Variants in CYP2A13 observed in about 807,000 individuals in gnomAD.
CYP2A13 encodes the protein cytochrome P450 family 2 subfamily A member 13, also known as cytochrome P450 2A13.
CYP2A13 carries 30 observed loss-of-function variants against 39.4 expected under a neutral mutation model. The ratio of observed to expected loss-of-function variants is 0.76; its 90% CI spans 0.57 to 1.03. CYP2A13 has a LOEUF of 1.03. Ranked by LOEUF, CYP2A13 falls within the 50% of genes least tolerant of loss-of-function variation. The probability of loss-of-function intolerance (pLI) is 0.00; values close to 1 mark genes in which losing one functional copy is unlikely to be tolerated. For missense variants in CYP2A13, 731 were observed against 648.4 expected, an observed-to-expected ratio of 1.13 and a Z score of -1.38; for synonymous variants, 269 against 254.7, an observed-to-expected ratio of 1.06 and a Z score of -0.54.
intron 8 of CYP2A13, 80 bp from the exon 9 acceptor site, chr19:41,095,680 A>G: frequency 6.4e-7 from 1 of 1,554,450 alleles, no homozygotes; most frequent in Non-Finnish European, 8.8e-7. Context: ...CTCCCTAGAG[A>G]GTGCAGCCGG....
chr19:41,089,525 A>G (rs2031120762), intron 2 of CYP2A13, among the ~76,000 whole-genome samples: 1 of 151,594 alleles, frequency 6.6e-6, no homozygotes, highest in Non-Finnish European at 1.5e-5. Context: ...CCACATCTCC[A>G]GCCTCCAACT....
rs138089886 is a variant in CYP2A13, at chr19:41,091,850, C to T, written c.773C>T (p.Thr258Met). ...AAGAAGGTGGAGCACAACCAGCGCA[C>T]GCTGGATCCCAATTCCCCACGGGAC... ...IAKKVEHNQRTLDPNSPRDFI... is the reference protein window; with the variant it reads ...IAKKVEHNQRMLDPNSPRDFI... The change falls in exon 5 of 9, where the codon ACG becomes ATG. Residue 258 changes from threonine (T) to methionine (M), a missense_variant. Transcript: ENST00000330436. The T allele has an allele frequency of 9.9e-6, 16 of 1,614,200 alleles. No individual in the cohort carries two copies. The highest frequency in any genetic ancestry group is 2.2e-5 in the East Asian group (1 of 44,882).
In CYP2A13 at chr19:41,095,965, C is replaced by T. The variant is rs1161950972; in HGVS notation, c.*24C>T. On this transcript the variant is annotated 3_prime_UTR_variant, in exon 9 of 9. Coordinates refer to ENST00000330436, the MANE Select transcript of CYP2A13 (RefSeq NM_000766.5). ...GAGCGAGGGCTGTGCTGGTGCAGGG[C>T]TGGTGGGCGGGGCCAGGGAAACGGC... 8.1e-7 allele frequency: 1 copy of T among 1,236,552 alleles called. No individual in the cohort carries two copies. Among genetic ancestry groups the T allele is most frequent in the African/African-American group, 1.8e-5 (1 of 56,414 alleles). The allele number at this position is 1,236,552 out of a possible 1,614,324, so 76.6% of individuals were successfully genotyped here. A position where few individuals can be genotyped will look rare whatever the true frequency, so the allele number is the denominator to read the frequency against.
chr19:41,093,555 C>A (rs747575505), intron 5 of CYP2A13, 75 bp from the exon 6 acceptor site: 7 of 1,574,736 alleles, frequency 4.4e-6, no homozygotes, highest in East Asian at 2.2e-5. Context: ...AGAGAGGTAG[C>A]TCCAAAGGAA....
At chr19:41,089,776 C>G (rs116877675) in intron 2 of CYP2A13, among the ~76,000 whole-genome samples, 2 of 145,622 alleles carry the variant, frequency 1.4e-5, no homozygotes, top group Non-Finnish European at 3.0e-5. Context: ...TTCTGCTTCT[C>G]TTCTGATTCT....
Position 41,090,028 on chromosome 19 carries a change from C to G in CYP2A13, c.344-19C>G, listed in dbSNP as rs748082919. On this transcript the variant is annotated intron_variant, in intron 2 of 8. Coordinates refer to ENST00000330436, the MANE Select transcript of CYP2A13 (RefSeq NM_000766.5). ...CGCCGCCCCCTGACCTCTCTCCACCCCCGCGTTCACCTCCCCAGGCGTGGC... is the reference window on the plus strand; with the variant it reads ...CGCCGCCCCCTGACCTCTCTCCACCGCCGCGTTCACCTCCCCAGGCGTGGC... The G allele has an allele frequency of 6.2e-7, 1 of 1,610,100 alleles. No individual in the cohort carries two copies. The highest frequency in any genetic ancestry group is 1.7e-5 in the Admixed American group (1 of 59,752).
At position 41,091,831 on chromosome 19, in the gene CYP2A13, G is replaced by A; in HGVS notation, c.754G>A (p.Val252Met). ...QGLEDFIAKK[V>M]EHNQRTLDPN... Reference sequence around the variant, plus strand: ...GCTGGAGGACTTCATCGCCAAGAAGGTGGAGCACAACCAGCGCACGCTGGA... The same window carrying A: ...GCTGGAGGACTTCATCGCCAAGAAGATGGAGCACAACCAGCGCACGCTGGA... The change falls in exon 5 of 9, where the codon GTG becomes ATG. Residue 252 changes from valine to methionine, a missense_variant. Physicochemically the swap from Val to Met is conservative, Grantham distance 21. Coordinates refer to ENST00000330436, the MANE Select transcript of CYP2A13 (RefSeq NM_000766.5). 6.2e-7 allele frequency: 1 copy of A among 1,614,176 alleles called. No homozygotes were observed. The highest frequency in any genetic ancestry group is 8.5e-7 in the Non-Finnish European group (1 of 1,180,022).
At position 41,095,992 on chromosome 19, in the gene CYP2A13, G is replaced by C. The variant is rs767902596; in HGVS notation, c.*51G>C. 2 of 1,601,120 alleles carry C rather than the reference G, an allele frequency of 1.2e-6. No individual in the cohort carries two copies. Among genetic ancestry groups the C allele is most frequent in the Non-Finnish European group, 1.7e-6 (2 of 1,171,988 alleles). Reference sequence around the variant, plus strand: ...GGTGGGCGGGGCCAGGGAAACGGCCGGGGCAGGGGCGGGGCTTGTGGGAGG... The same window carrying C: ...GGTGGGCGGGGCCAGGGAAACGGCCCGGGCAGGGGCGGGGCTTGTGGGAGG... On this transcript the variant is annotated 3_prime_UTR_variant, in exon 9 of 9. Transcript: ENST00000330436.
rs765095510 is a variant in CYP2A13 at position 41,094,264 on chromosome 19, T to C, written c.993T>C (p.Ile331=). Residue 331 remains isoleucine, a synonymous_variant, in exon 7 of 9, where the codon ATT becomes ATC. Coordinates refer to ENST00000330436, the MANE Select transcript of CYP2A13 (RefSeq NM_000766.5). ...PEVEAKVHEE[I]DRVIGKNRQP... ...CCCCAGCCAAGGTCCATGAGGAGAT[T>C]GACAGAGTGATCGGCAAGAACCGGC... The C allele has an allele frequency of 6.2e-7, 1 of 1,614,068 alleles. No homozygotes were observed. The highest frequency in any genetic ancestry group is 1.1e-5 in the South Asian group (1 of 91,074).
Position 41,090,142 on chromosome 19 carries a change from G to C in CYP2A13, c.439G>C (p.Glu147Gln). ...TGGCGTGGGCAAGCGCGGCATCGAG[G>C]AACGCATCCAGGAGGAGGCGGGCTT... ...GFGVGKRGIEERIQEEAGFLI... is the reference protein window; with the variant it reads ...GFGVGKRGIEQRIQEEAGFLI... The change falls in exon 3 of 9, where the codon GAA (glutamate) becomes CAA (glutamine). Residue 147 changes from glutamate to glutamine, a missense_variant. Physicochemically the swap from Glu to Gln is conservative, Grantham distance 29. Coordinates refer to ENST00000330436, the MANE Select transcript of CYP2A13 (RefSeq NM_000766.5). 1.2e-6 allele frequency: 2 copies of C among 1,604,892 alleles called. No homozygotes were observed. Among genetic ancestry groups the C allele is most frequent in the Non-Finnish European group, 8.5e-7 (1 of 1,174,912 alleles).
In CYP2A13 at chr19:41,095,758, A is replaced by T. The variant is rs2031291088; in HGVS notation, c.1304-2A>T. On this transcript the variant is annotated splice_acceptor_variant, in intron 8 of 8. Coordinates refer to ENST00000330436, the MANE Select transcript of CYP2A13 (RefSeq NM_000766.5). LOFTEE classifies it high-confidence loss of function. ...TTCACCCCTCCTGCCTCTCCTCCTC[A>T]GGAAAGCGGTACTGTTTTGGAGAAG... is the stretch of plus-strand genomic sequence containing the variant. 2 of 1,613,948 alleles carry T rather than the reference A, an allele frequency of 1.2e-6. No individual in the cohort carries two copies. Among genetic ancestry groups the T allele is most frequent in the Non-Finnish European group, 1.7e-6 (2 of 1,179,904 alleles).
At chr19:41,095,479 A>AT (rs1221728169) in intron 8 of CYP2A13, among the ~76,000 whole-genome samples, 1 of 152,184 alleles carries the variant, frequency 6.6e-6, no homozygotes, top group Non-Finnish European at 1.5e-5. Flanking sequence ...GAGGCATGAC[A>AT]TTATGCCTTT....
Position 41,089,047 on chromosome 19 carries a change from G to A in CYP2A13, c.299G>A (p.Gly100Glu). ...GTGGACCAGGCTGAGGAGTTCAGCGGGCGAGGCGAGCAGGCCACCTTCGAC... is the reference window on the plus strand; with the variant it reads ...GTGGACCAGGCTGAGGAGTTCAGCGAGCGAGGCGAGCAGGCCACCTTCGAC... ...ALVDQAEEFS[G>E]RGEQATFDWL... is the part of the protein sequence containing the mutation. The change falls in exon 2 of 9, where the codon GGG becomes GAG. Residue 100 changes from glycine to glutamate, a missense_variant. Transcript: ENST00000330436. The A allele has an allele frequency of 6.2e-7, 1 of 1,613,274 alleles. No homozygotes were observed. Among genetic ancestry groups the A allele is most frequent in the Non-Finnish European group, 8.5e-7 (1 of 1,179,846 alleles).
chr19:41,091,858 C>G lies in CYP2A13; in HGVS notation c.781C>G (p.Pro261Ala), dbSNP rs149101733. The G allele has an allele frequency of 3.9e-5, 63 of 1,614,222 alleles. No homozygotes were observed. The African/African-American group carries it at 7.6e-4, about 19-fold the overall frequency. The change falls in exon 5 of 9, where the codon CCC becomes GCC. Residue 261 changes from proline (P) to alanine (A), a missense_variant. Coordinates refer to ENST00000330436, the MANE Select transcript of CYP2A13 (RefSeq NM_000766.5). ...GGAGCACAACCAGCGCACGCTGGAT[C>G]CCAATTCCCCACGGGACTTCATCGA... ...KVEHNQRTLD[P>A]NSPRDFIDSF...
At chr19:41,092,312 TAAAAAAAAA>T (rs529985444) in intron 5 of CYP2A13, among the ~76,000 whole-genome samples, 4 of 53,782 alleles carry the variant, frequency 7.4e-5, no homozygotes, top group Non-Finnish European at 1.3e-4. Flanking sequence ...CAAGACCCTG[TAAAAAAAAA>T]AAAAAAAAAA....
In CYP2A13 at chr19:41,090,195, C is replaced by T. The variant is rs558508405; in HGVS notation, c.492C>T (p.His164=). 11 of 1,576,192 alleles carry T rather than the reference C, an allele frequency of 7.0e-6. No homozygotes were observed. The East Asian group carries it at 1.3e-4, about 19-fold the overall frequency. The change falls in exon 3 of 9, where the codon CAC becomes CAT. Residue 164 remains histidine (H), a splice_region_variant and synonymous_variant. Transcript: ENST00000330436. ...GFLIDALRGT[H]GANIDPTFFL... ...TCATCGACGCCCTCCGGGGCACGCA[C>T]GGTGAGTAGGGGACCCCGAGTGCGA...
At position 41,091,725 on chromosome 19, in the gene CYP2A13, A is replaced by G. The variant is rs552903244; in HGVS notation, c.655-7A>G. The G allele has an allele frequency of 1.0e-4, 169 of 1,613,218 alleles. 1 individual carries two copies. The East Asian group carries it at 2.6e-3, about 25-fold the overall frequency. On this transcript the variant is annotated splice_region_variant and splice_polypyrimidine_tract_variant and intron_variant, in intron 4 of 8. Transcript: ENST00000330436. ...CTTCCCTTCCCATCCTCTCTCTGCAACCCCAGCTCTATGAGATGTTCTCTT... is the reference window on the plus strand; with the variant it reads ...CTTCCCTTCCCATCCTCTCTCTGCAGCCCCAGCTCTATGAGATGTTCTCTT...
intron 2 of CYP2A13, 85 bp from the exon 3 acceptor site, chr19:41,089,962 C>A: frequency 6.8e-7 from 1 of 1,459,934 alleles, no homozygotes; most frequent in Non-Finnish European, 9.1e-7. Flanking sequence ...CTCTCTGCTC[C>A]ACCCTTGGGG....
chr19:41,094,096 A>C, intron 6 of CYP2A13, 149 bp from the exon 7 acceptor site: 1 of 1,329,870 alleles, frequency 7.5e-7, no homozygotes, highest in South Asian at 1.5e-5. Context: ...CTGCTGCAAC[A>C]ATGCGAATGG....
Sources: allele counts gnomAD v4.1 joint callset (sites outside exome capture counted in the v4.1 genomes callset), GRCh38; gene constraint gnomAD v4.1.1; transcripts MANE v1.5; gene names NCBI Gene and HGNC (gene_info 2026-07-23, HGNC 2026-07-21).